Variants in AMOT observed in about 807,000 individuals in gnomAD.
AMOT encodes angiomotin.
A neutral mutation model predicts 67.0 loss-of-function variants in AMOT; 11 were observed. The observed-to-expected ratio is 0.16, with a 90% CI of 0.10 to 0.27. The LOEUF (loss-of-function observed/expected upper bound fraction) is 0.27. Ranked by LOEUF, AMOT falls within the 10% of genes least tolerant of loss-of-function variation. The pLI is 1.00. For missense variants in AMOT, 753 were observed against 852.0 expected (o/e 0.88, Z 1.45); for synonymous variants, 326 against 321.4 (o/e 1.01, Z -0.15).
intron 9 of AMOT, 59 bp downstream of exon 9, chrX:112,791,773 C>G (rs749352014): frequency 1.7e-6 from 2 of 1,171,499 alleles, no homozygotes; most frequent in African/African-American, 3.5e-5. Context: ...AAATAAGCAA[C>G]CAGGAATAAT....
chrX:112,831,951 C>G (rs1381750406), intron 2 of AMOT, among the ~76,000 whole-genome samples: 6 of 111,292 alleles, frequency 5.4e-5, no homozygotes, highest in Non-Finnish European at 1.1e-4. Context: ...TTGCAATACA[C>G]AGCTCCAGGG....
chrX:112,808,310 GT>G (rs1164565674), intron 7 of AMOT, among the ~76,000 whole-genome samples: 6 of 111,825 alleles, frequency 5.4e-5, no homozygotes, highest in Non-Finnish European at 1.1e-4. Context: ...TAAATAAGTA[GT>G]GGAGCCCTTA....
At chrX:112,806,365 G>GTA (rs59265644) in intron 7 of AMOT, among the ~76,000 whole-genome samples, 4,949 of 99,868 alleles carry the variant, frequency 0.05, 342 homozygotes, top group African/African-American at 0.17. Flanking sequence ...AAACGTGTGT[G>GTA]TATATATATA....
At chrX:112,812,513 G>C (rs952435426) in intron 5 of AMOT, among the ~76,000 whole-genome samples, 3 of 111,458 alleles carry the variant, frequency 2.7e-5, no homozygotes, top group Admixed American at 1.9e-4. Context: ...AGAGAGAAAG[G>C]GTCTTCCCCT....
intron 8 of AMOT, among the ~76,000 whole-genome samples, chrX:112,800,478 T>A (rs1933979001): frequency 8.9e-6 from 1 of 111,839 alleles, no homozygotes; most frequent in Admixed American, 9.5e-5. Context: ...GGATCTTCCA[T>A]CCAAATCTAT....
At chrX:112,787,241 A>G (rs1299778054) in intron 10 of AMOT, among the ~76,000 whole-genome samples, 1 of 111,390 alleles carries the variant, frequency 9.0e-6, no homozygotes, top group African/African-American at 3.3e-5. Flanking sequence ...CTGTTCTTAT[A>G]TTATAATCTA....
intron 8 of AMOT, among the ~76,000 whole-genome samples, chrX:112,801,180 T>C (rs1172779862): frequency 9.0e-6 from 1 of 111,649 alleles, no homozygotes; most frequent in African/African-American, 3.3e-5. Flanking sequence ...TGAGAGGATA[T>C]GCCAGACATC....
intron 1 of AMOT, among the ~76,000 whole-genome samples, chrX:112,835,687 GC>G (rs909551518): frequency 2.7e-5 from 3 of 109,975 alleles, no homozygotes; most frequent in African/African-American, 1.0e-4. Flanking sequence ...CCAGGTTCAA[GC>G]AATTTATTCC....
intron 10 of AMOT, 122 bp from the exon 11 acceptor site, chrX:112,782,784 C>T (rs182728495): frequency 2.2e-6 from 2 of 920,780 alleles, no homozygotes; most frequent in East Asian, 6.5e-5. Flanking sequence ...ACATTTGGAA[C>T]AGATGGTTTC....
At position 112,811,606 on chromosome X, in the gene AMOT, T is replaced by C. The variant is rs1217900968; in HGVS notation, c.1393-213A>G. ...AATTAACTCATGGTGTCATGGTCTT[T>C]CCTCGGGTTAAAAAAATAGACAATT... On this transcript the variant is annotated intron_variant, in intron 5 of 13. Coordinates refer to ENST00000371959, the MANE Select transcript of AMOT (RefSeq NM_001113490.2). Among the ~76,000 whole-genome samples, 9 of 111,602 alleles carry C rather than the reference T, an allele frequency of 8.1e-5. No homozygotes were observed. In the East Asian group the frequency reaches 2.5e-3, roughly 31 times the overall value.
In AMOT at chrX:112,784,349, G is replaced by A. The variant is rs58282817; in HGVS notation, c.2118-1687C>T. ...TCAAATTACCTGCTCTAAGCATGCC[G>A]CTTCATATGCCAAGTGGGAACAATA... On this transcript the variant is annotated intron_variant, in intron 10 of 13. Transcript: ENST00000371959. Among the ~76,000 whole-genome samples the A allele has an allele frequency of 1.2e-3, 132 of 112,374 alleles. 1 individual carries two copies. Among genetic ancestry groups the A allele is most frequent in the African/African-American group, 4.0e-3 (123 of 30,948 alleles).
chrX:112,778,664 T>G lies in AMOT; in HGVS notation c.3158A>C (p.Asp1053Ala). The G allele has an allele frequency of 8.4e-7, 1 of 1,187,200 alleles. No homozygotes were observed. The highest frequency in any genetic ancestry group is 1.1e-6 in the Non-Finnish European group (1 of 879,434). Residue 1053 changes from aspartate (D) to alanine (A), a missense_variant and splice_region_variant, in exon 14 of 14, where the codon GAT becomes GCT. Physicochemically the swap from Asp to Ala is moderately radical, Grantham distance 126. Around this residue, in one of 5 missense-constraint regions of AMOT, gnomAD observed 269 missense variants for 300.9 expected, o/e 0.89. Transcript: ENST00000371959. ...AGTATTGGAGTGGAACACAGGCCCATCTAAATGGAAATAAGGGTTAGAAAA... is the reference window on the plus strand; with the variant it reads ...AGTATTGGAGTGGAACACAGGCCCAGCTAAATGGAAATAAGGGTTAGAAAA... ...PSLTCNPDKT[D>A]GPVFHSNTLE...
intron 11 of AMOT, among the ~76,000 whole-genome samples, chrX:112,781,443 CAAAAAAAAAAAAA>C (rs35689399): frequency 3.4e-5 from 1 of 29,002 alleles, no homozygotes; most frequent in African/African-American, 1.1e-4. Flanking sequence ...GACTCCATCT[CAAAAAAAAAAAAA>C]AAAAAAAAAA....
chrX:112,824,807 A>T (rs1336682056), intron 3 of AMOT, among the ~76,000 whole-genome samples: 1 of 111,008 alleles, frequency 9.0e-6, no homozygotes, highest in Non-Finnish European at 1.9e-5. Flanking sequence ...TTTGGTGCCC[A>T]AAACTAGAGA....
At chrX:112,782,808 C>T (rs760362578) in intron 10 of AMOT, 146 bp from the exon 11 acceptor site, 2 of 729,448 alleles carry the variant, frequency 2.7e-6, no homozygotes, top group East Asian at 3.5e-5. Flanking sequence ...GGAACTAACC[C>T]GTAAGAGCCT....
At chrX:112,782,868 T>C (rs1439696575) in intron 10 of AMOT, among the ~76,000 whole-genome samples, 4 of 111,933 alleles carry the variant, frequency 3.6e-5, no homozygotes, top group African/African-American at 1.3e-4. Context: ...GTTATTAGTA[T>C]AGAAGTGGCT....
At chrX:112,835,057 C>T (rs903296385) in intron 1 of AMOT, among the ~76,000 whole-genome samples, 5 of 112,355 alleles carry the variant, frequency 4.5e-5, no homozygotes, top group African/African-American at 1.6e-4. Flanking sequence ...TAAAAAGGAA[C>T]ACCTGCTCAA....
chrX:112,794,016 G>A (rs1049057207), intron 8 of AMOT, among the ~76,000 whole-genome samples: 3 of 111,836 alleles, frequency 2.7e-5, no homozygotes, highest in Non-Finnish European at 5.6e-5. Context: ...TTTGTGAATC[G>A]CTCTGAAAGT....
intron 5 of AMOT, among the ~76,000 whole-genome samples, chrX:112,814,147 C>G (rs1372616408): frequency 1.8e-5 from 2 of 110,838 alleles, no homozygotes; most frequent in African/African-American, 6.6e-5. Flanking sequence ...TGACACATGC[C>G]TGTAATCCCA....
Sources: gnomAD v4.1 joint callset for allele counts (sites outside exome capture counted in the v4.1 genomes callset) on GRCh38, gnomAD v4.1.1 for gene constraint, gnomAD v4.1.1 regional missense constraint, MANE v1.5 for transcripts, NCBI Gene and HGNC (gene_info 2026-07-23, HGNC 2026-07-21) for gene names.